The following NINL variants were observed in gnomAD, a reference collection of about 807,000 sequenced individuals.
NINL encodes ninein like, also known as ninein-like protein.
Under a neutral mutation model 160.3 loss-of-function variants are expected in NINL, and 153 were observed. That is an observed-to-expected ratio of 0.95 (90% CI 0.84 to 1.09). The LOEUF is 1.09. NINL is among the 50% of genes least tolerant of loss of function. The pLI is 0.00. For missense variants in NINL, 1,829 were observed against 1,764.0 expected (o/e 1.04, Z -0.66); for synonymous variants, 800 against 734.8 (o/e 1.09, Z -1.43).
chr20:25,481,788 T>C (rs2063393501), intron 14 of NINL, 180 bp downstream of exon 14: 5 of 883,292 alleles, frequency 5.7e-6, no homozygotes, highest in Non-Finnish European at 8.5e-6. Context: ...CCTTCCGTGT[T>C]GCAAGGTCAC....
chr20:25,539,901 G>A, intron 1 of NINL: 1 of 450,730 alleles, frequency 2.2e-6, no homozygotes, highest in Non-Finnish European at 3.9e-6. Context: ...TCAGGACCAA[G>A]ACATTCATCC....
At chr20:25,543,451 T>C (rs972286747) in intron 1 of NINL, among the ~76,000 whole-genome samples, 1 of 152,188 alleles carries the variant, frequency 6.6e-6, no homozygotes, top group Non-Finnish European at 1.5e-5. Flanking sequence ...CTCAGGAGAC[T>C]GAGGTAGGAG....
chr20:25,510,797 A>T, intron 4 of NINL, 57 bp from the exon 5 acceptor site: 1 of 1,307,840 alleles, frequency 7.6e-7, no homozygotes, highest in Non-Finnish European at 1.1e-6. Flanking sequence ...CTGGGGACGG[A>T]GCACCGGGAA....
chr20:25,526,331 T>C, intron 2 of NINL, 77 bp downstream of exon 2: 1 of 1,284,196 alleles, frequency 7.8e-7, no homozygotes, highest in Non-Finnish European at 1.1e-6. Context: ...CTTATTCAGC[T>C]GATATTTATC....
chr20:25,501,110 C>T (rs1442860884), intron 7 of NINL, 100 bp from the exon 8 acceptor site: 2 of 1,439,734 alleles, frequency 1.4e-6, no homozygotes, highest in East Asian at 2.5e-5. Flanking sequence ...GCTCAGAGGG[C>T]CTCACAGGAA....
chr20:25,550,945 C>T (rs986140193), intron 1 of NINL, among the ~76,000 whole-genome samples: 1 of 152,124 alleles, frequency 6.6e-6, no homozygotes, highest in African/African-American at 2.4e-5. Flanking sequence ...AAGGTCTTTC[C>T]TTTCCCACGA....
chr20:25,537,746 C>T (rs1216162171), intron 1 of NINL, among the ~76,000 whole-genome samples: 2 of 152,160 alleles, frequency 1.3e-5, no homozygotes, highest in South Asian at 2.1e-4. Context: ...AACCTGTAAA[C>T]GAGCTTCGTG....
rs748045305 is a variant in NINL at position 25,512,939 on chromosome 20, A to AG, written c.344dup (p.Glu116Ter). On this transcript the variant is annotated frameshift_variant, in exon 4 of 24. Coordinates refer to ENST00000278886, the MANE Select transcript of NINL (RefSeq NM_025176.6). LOFTEE classifies it high-confidence loss of function. ...CTTCTGTGGCAGCGTCACATAGCTCAGGCCGGCTCCGACGGCCATACCACT... is the reference window on the plus strand; with the variant it reads ...CTTCTGTGGCAGCGTCACATAGCTCAGGGCCGGCTCCGACGGCCATACCACT... The AG allele has an allele frequency of 6.2e-7, 1 of 1,613,854 alleles. No homozygotes were observed. Among genetic ancestry groups the AG allele is most frequent in the African/African-American group, 1.3e-5 (1 of 74,942 alleles).
chr20:25,470,197 T>A, intron 17 of NINL, 102 bp from the exon 18 acceptor site: 1 of 845,258 alleles, frequency 1.2e-6, no homozygotes, highest in Admixed American at 1.8e-5. Context: ...TGCGTCCCCA[T>A]CTCCCCGTCC....
At chr20:25,514,428 G>C (rs1204302671) in intron 3 of NINL, among the ~76,000 whole-genome samples, 1 of 152,224 alleles carries the variant, frequency 6.6e-6, no homozygotes, top group East Asian at 1.9e-4. Context: ...GAGATGATCT[G>C]AAACTAAAAC....
intron 1 of NINL, among the ~76,000 whole-genome samples, chr20:25,529,675 C>CA: frequency 6.6e-6 from 1 of 152,072 alleles, no homozygotes; most frequent in Admixed American, 6.5e-5. Context: ...CCCGTCTCTA[C>CA]AAAAAACAGA....
At chr20:25,519,105 A>AAG (rs2064217427) in intron 2 of NINL, among the ~76,000 whole-genome samples, 2 of 151,508 alleles carry the variant, frequency 1.3e-5, no homozygotes, top group African/African-American at 4.9e-5. Flanking sequence ...TCAAAAAAAA[A>AAG]AAAAAAAAAA....
chr20:25,519,582 T>C (rs542701319), intron 2 of NINL, among the ~76,000 whole-genome samples: 1 of 152,324 alleles, frequency 6.6e-6, no homozygotes, highest in South Asian at 2.1e-4. Context: ...TGGAAATGAC[T>C]CTGCTGTCCA....
intron 13 of NINL, among the ~76,000 whole-genome samples, chr20:25,486,716 TGA>T (rs1470218651): frequency 6.6e-6 from 1 of 152,144 alleles, no homozygotes; most frequent in Non-Finnish European, 1.5e-5. Context: ...TCACAGCCAC[TGA>T]GAACACAAGC....
rs889341349 is a variant in NINL, at chr20:25,525,468, A to C, written c.180+940T>G. Among the ~76,000 whole-genome samples, 12 of 152,244 alleles carry C rather than the reference A, an allele frequency of 7.9e-5. No homozygotes were observed. The East Asian group carries it at 1.5e-3, about 20-fold the overall frequency. ...GGCATTCGAGACCAGCCTGGGTAACATGGCAAAACCCCATCTCTACAAAAA... is the reference window on the plus strand; with the variant it reads ...GGCATTCGAGACCAGCCTGGGTAACCTGGCAAAACCCCATCTCTACAAAAA... On this transcript the variant is annotated intron_variant, in intron 2 of 23. Transcript: ENST00000278886.
intron 1 of NINL, among the ~76,000 whole-genome samples, chr20:25,552,456 A>G (rs1466914373): frequency 6.6e-6 from 1 of 152,180 alleles, no homozygotes; most frequent in African/African-American, 2.4e-5. Flanking sequence ...AAATCTACTA[A>G]AAAAAATAAA....
chr20:25,523,686 A>G lies in NINL; in HGVS notation c.180+2722T>C, dbSNP rs112966038. ...GAGATGGAGTCTTGCTCTGTCGCCC[A>G]GGCTGGAGTGCAATGGCGCGATCTT... On this transcript the variant is annotated intron_variant, in intron 2 of 23. Transcript: ENST00000278886. 3.7e-4 allele frequency among the ~76,000 whole-genome samples: 57 copies of G among 152,308 alleles called. 1 individual carries two copies. The highest frequency in any genetic ancestry group is 1.4e-3 in the African/African-American group (57 of 41,574).
chr20:25,465,923 G>A (rs1196203683), intron 19 of NINL, among the ~76,000 whole-genome samples: 1 of 152,202 alleles, frequency 6.6e-6, no homozygotes, highest in Non-Finnish European at 1.5e-5. Context: ...AAGTGTGACA[G>A]CACTCCTTCA....
chr20:25,577,057 T>C (rs1413183077), intron 1 of NINL, among the ~76,000 whole-genome samples: 1 of 152,148 alleles, frequency 6.6e-6, no homozygotes, highest in East Asian at 1.9e-4. Context: ...GCCATTAATG[T>C]AGATTGTGGG....
Sources: allele counts gnomAD v4.1 joint callset (sites outside exome capture counted in the v4.1 genomes callset), GRCh38; gene constraint gnomAD v4.1.1; transcripts MANE v1.5; gene names NCBI Gene and HGNC (gene_info 2026-07-23, HGNC 2026-07-21).